Variants in NRXN3 observed in about 807,000 individuals in gnomAD.
NRXN3 encodes the protein neurexin 3.
A neutral mutation model predicts 137.6 loss-of-function variants in NRXN3; 32 were observed. That is an observed-to-expected ratio of 0.23 (90% CI 0.18 to 0.31). The LOEUF is 0.31. Among genes scored for constraint, NRXN3 ranks in the 10% least tolerant of loss-of-function variants. NRXN3 has a pLI of 1.00. For synonymous variants in NRXN3, 798 were observed against 784.5 expected (o/e 1.02, Z -0.29); for missense variants, 1,574 against 2,062.5 (o/e 0.76, Z 4.59).
chr14:78,378,600 A>G lies in NRXN3; in HGVS notation c.757+80740A>G, dbSNP rs184810075. ...AAGACAGTTATGTAGCTAAATACAT[A>G]CATTAGAAAAGAGGAAAAGTCTCAA... is the stretch of plus-strand genomic sequence containing the variant. On this transcript the variant is annotated intron_variant, in intron 4 of 20. Transcript: ENST00000335750. Among the ~76,000 whole-genome samples, 5 of 152,350 alleles carry G rather than the reference A, an allele frequency of 3.3e-5. No individual in the cohort carries two copies. In the East Asian group the frequency reaches 9.6e-4, roughly 29 times the overall value.
At chr14:79,823,896 T>G in intron 20 of NRXN3, 1 of 451,062 alleles carries the variant, frequency 2.2e-6, no homozygotes, top group Non-Finnish European at 4.5e-6. Flanking sequence ...GTTCTGTTCA[T>G]CAAGTGACAA....
chr14:78,862,402 C>G lies in NRXN3; in HGVS notation c.2275+52058C>G, dbSNP rs367597992. On this transcript the variant is annotated intron_variant, in intron 10 of 20. Transcript: ENST00000335750. Reference sequence around the variant, plus strand: ...GATAGATCTTTAAATATCCACATAGCTTTAAGGGAGCAGTAAATTTAGCTT... The same window carrying G: ...GATAGATCTTTAAATATCCACATAGGTTTAAGGGAGCAGTAAATTTAGCTT... Among the ~76,000 whole-genome samples the G allele has an allele frequency of 4.6e-5, 7 of 152,066 alleles. No individual in the cohort carries two copies. In the East Asian group the frequency reaches 1.4e-3, roughly 29 times the overall value.
chr14:78,597,535 T>C (rs2097167688), intron 4 of NRXN3, among the ~76,000 whole-genome samples: 1 of 152,226 alleles, frequency 6.6e-6, no homozygotes, highest in African/African-American at 2.4e-5. Context: ...AGCAAGGACC[T>C]TGGAGGCCTC....
chr14:78,665,508 G>A (rs112244238), intron 6 of NRXN3, among the ~76,000 whole-genome samples: 15 of 152,270 alleles, frequency 9.9e-5, no homozygotes, highest in African/African-American at 2.4e-4. Flanking sequence ...CTCATGACAC[G>A]TGGGGATTAT....
chr14:78,627,599 A>G (rs532055993), intron 4 of NRXN3, among the ~76,000 whole-genome samples: 70 of 152,180 alleles, frequency 4.6e-4, no homozygotes, highest in Non-Finnish European at 8.1e-4. Context: ...GGGAATTAGG[A>G]ATCTAACATC....
intron 15 of NRXN3, among the ~76,000 whole-genome samples, chr14:79,092,283 C>T (rs1010935885): frequency 1.3e-5 from 2 of 152,088 alleles, no homozygotes; most frequent in Non-Finnish European, 2.9e-5. Context: ...TTTTTCTCTC[C>T]CTGCCTCTTC....
At chr14:78,465,690 A>G (rs940340677) in intron 4 of NRXN3, among the ~76,000 whole-genome samples, 8 of 151,666 alleles carry the variant, frequency 5.3e-5, no homozygotes, top group Non-Finnish European at 8.8e-5. Flanking sequence ...ATGCACCACC[A>G]TGCCCGGCTA....
At chr14:79,548,126 T>C (rs948682771) in intron 16 of NRXN3, among the ~76,000 whole-genome samples, 3 of 152,090 alleles carry the variant, frequency 2.0e-5, no homozygotes, top group Admixed American at 6.6e-5. Flanking sequence ...CCATGGTGGT[T>C]TGCTGCACTC....
At chr14:78,500,989 A>G (rs1456485061) in intron 4 of NRXN3, among the ~76,000 whole-genome samples, 1 of 152,146 alleles carries the variant, frequency 6.6e-6, no homozygotes, top group African/African-American at 2.4e-5. Context: ...CTTGGAGGCT[A>G]GAGAGTACAG....
chr14:79,452,904 ATAAAC>A (rs1420654861), intron 15 of NRXN3, among the ~76,000 whole-genome samples: 3 of 152,222 alleles, frequency 2.0e-5, no homozygotes, highest in African/African-American at 7.2e-5. Context: ...TTTTAAAAGT[ATAAAC>A]TAATTACTAA....
chr14:79,543,768 A>T (rs915200861), intron 16 of NRXN3, among the ~76,000 whole-genome samples: 3 of 152,208 alleles, frequency 2.0e-5, no homozygotes, highest in Admixed American at 1.3e-4. Flanking sequence ...GCAGGCCCCA[A>T]TCAAAGTGCA....
intron 15 of NRXN3, among the ~76,000 whole-genome samples, chr14:79,343,244 C>T (rs185201176): frequency 1.3e-5 from 2 of 152,228 alleles, no homozygotes; most frequent in Admixed American, 6.5e-5. Flanking sequence ...CCTACAGAGG[C>T]GATCTAGTCT....
rs1158682825 is a variant in NRXN3 at position 79,853,441 on chromosome 14, G to A, written c.4094-7901G>A. ...TGTTGAAGAAGTTGCAGCTTAGGGT[G>A]TGTGAGATTGTCAGTGTTAGAGTTC... is the stretch of plus-strand genomic sequence containing the variant. On this transcript the variant is annotated intron_variant, in intron 20 of 20. Coordinates refer to ENST00000335750, the MANE Select transcript of NRXN3 (RefSeq NM_001330195.2). The A allele has an allele frequency of 7.4e-6, 3 of 407,484 alleles. No individual in the cohort carries two copies. In the South Asian group the frequency reaches 1.1e-4, roughly 15 times the overall value. The allele number at this position is 407,484 out of a possible 1,614,324, so 25.2% of individuals were successfully genotyped here. A position where few individuals can be genotyped will look rare whatever the true frequency, so the allele number is the denominator to read the frequency against.
chr14:79,007,402 A>C (rs1169118802), intron 15 of NRXN3, among the ~76,000 whole-genome samples: 1 of 151,950 alleles, frequency 6.6e-6, no homozygotes, highest in East Asian at 1.9e-4. Flanking sequence ...GATGTTAGGG[A>C]CAGTTCAGCC....
intron 6 of NRXN3, among the ~76,000 whole-genome samples, chr14:78,656,823 C>G (rs998177885): frequency 2.6e-5 from 4 of 152,046 alleles, no homozygotes; most frequent in African/African-American, 9.7e-5. Flanking sequence ...GTGGGCGGAT[C>G]ACGAGGTCGG....
chr14:78,609,634 A>G (rs2097282739), intron 4 of NRXN3, among the ~76,000 whole-genome samples: 1 of 152,206 alleles, frequency 6.6e-6, no homozygotes, highest in Non-Finnish European at 1.5e-5. Context: ...CATCTGTTGA[A>G]TGGGGTAATA....
At chr14:79,666,673 T>G (rs2098558443) in intron 17 of NRXN3, among the ~76,000 whole-genome samples, 1 of 152,056 alleles carries the variant, frequency 6.6e-6, no homozygotes, top group African/African-American at 2.4e-5. Context: ...TAGCTAGAAA[T>G]GAGTATTTTT....
chr14:79,106,275 A>C (rs1191217197), intron 15 of NRXN3, among the ~76,000 whole-genome samples: 1 of 152,042 alleles, frequency 6.6e-6, no homozygotes. Context: ...GGATGAAGAG[A>C]GTCTGCTTGG....
At chr14:78,220,626 GTTTTC>G (rs1253626950) in intron 1 of NRXN3, among the ~76,000 whole-genome samples, 1 of 152,122 alleles carries the variant, frequency 6.6e-6, no homozygotes, top group Non-Finnish European at 1.5e-5. Flanking sequence ...GAAGAGTCCC[GTTTTC>G]TTTTAAGGTA....
Sources: gnomAD v4.1 joint callset for allele counts (sites outside exome capture counted in the v4.1 genomes callset) on GRCh38, gnomAD v4.1.1 for gene constraint, MANE v1.5 for transcripts, NCBI Gene and HGNC (gene_info 2026-07-23, HGNC 2026-07-21) for gene names.